The following CCDC174 variants were observed in gnomAD, a reference collection of about 807,000 sequenced individuals.
CCDC174 encodes the protein coiled-coil domain-containing protein 174.
Under a neutral mutation model 57.1 loss-of-function variants are expected in CCDC174, and 37 were observed. That is an observed-to-expected ratio of 0.65 (90% confidence interval 0.50 to 0.85). The LOEUF (loss-of-function observed/expected upper bound fraction) is 0.85, where lower values mean the gene tolerates loss of function less well. Ranked by LOEUF, CCDC174 falls within the 40% of genes least tolerant of loss-of-function variation. CCDC174 has a pLI of 0.00. For synonymous variants in CCDC174, 182 were observed against 190.2 expected, an observed-to-expected ratio of 0.96 and a Z score of 0.35; for missense variants, 540 against 574.3, an observed-to-expected ratio of 0.94 and a Z score of 0.61.
chr3:14,659,570 G>A (rs1051244512), intron 4 of CCDC174, among the ~76,000 whole-genome samples: 10 of 152,028 alleles, frequency 6.6e-5, no homozygotes, highest in Non-Finnish European at 1.2e-4. Flanking sequence ...CATGCCTATA[G>A]TCCCATTATT....
In CCDC174 at chr3:14,660,886, G is replaced by A. The variant is rs562234490; in HGVS notation, c.308-644G>A. On this transcript the variant is annotated intron_variant, in intron 4 of 10. Coordinates refer to ENST00000383794, the MANE Select transcript of CCDC174 (RefSeq NM_016474.5). ...AGCTATCCTGGGTTAAATTAGGTAA[G>A]TCATGGATTGTTGTTTAACTTTCAG... Among the ~76,000 whole-genome samples the A allele has an allele frequency of 1.2e-4, 18 of 152,358 alleles. 1 individual carries two copies. In the South Asian group the frequency reaches 3.7e-3, roughly 32 times the overall value.
intron 1 of CCDC174, 50 bp downstream of exon 1, chr3:14,651,928 C>T: frequency 6.3e-7 from 1 of 1,576,784 alleles, no homozygotes; most frequent in South Asian, 1.1e-5. Context: ...CACCGTGTCT[C>T]CATCAGACAA....
chr3:14,669,143 A>G (rs1353159147), intron 9 of CCDC174, among the ~76,000 whole-genome samples: 11 of 152,174 alleles, frequency 7.2e-5, no homozygotes, highest in Non-Finnish European at 1.6e-4. Flanking sequence ...AGGTGGCCAC[A>G]TGCTCAGCTG....
chr3:14,661,623 C>G lies in CCDC174; in HGVS notation c.401C>G (p.Ser134Cys), dbSNP rs775834523. The G allele has an allele frequency of 4.3e-6, 7 of 1,614,084 alleles. No individual in the cohort carries two copies. Among genetic ancestry groups the G allele is most frequent in the Admixed American group, 3.3e-5 (2 of 60,008 alleles). Residue 134 changes from serine to cysteine, a missense_variant, in exon 5 of 11, where the codon TCT becomes TGT. By Grantham distance (112) the Ser-to-Cys change is moderately radical. Transcript: ENST00000383794. ...GAGGCATCTGGTGCCCATAGAGATTCTCAAAAGGCAGGAGAAAGGGACGAC... is the reference window on the plus strand; with the variant it reads ...GAGGCATCTGGTGCCCATAGAGATTGTCAAAAGGCAGGAGAAAGGGACGAC... ...EMEASGAHRDSQKAGERDDDE... is the reference protein window; with the variant it reads ...EMEASGAHRDCQKAGERDDDE...
rs768010625 is a variant in CCDC174, at chr3:14,661,531, TGAA to T, written c.314_316del (p.Glu105del). On this transcript the variant is annotated inframe_deletion and splice_region_variant, in exon 5 of 11. Coordinates refer to ENST00000383794, the MANE Select transcript of CCDC174 (RefSeq NM_016474.5). Reference sequence around the variant, plus strand: ...TGAAAACTGATTTTTATGTCCTAGATGAAGAAGTAGAGGATATGTACCTTGTGG... The same window carrying T: ...TGAAAACTGATTTTTATGTCCTAGATGAAGTAGAGGATATGTACCTTGTGG... 2 of 1,593,488 alleles carry T rather than the reference TGAA, an allele frequency of 1.3e-6. No homozygotes were observed. The highest frequency in any genetic ancestry group is 2.2e-5 in the East Asian group (1 of 44,664).
chr3:14,654,302 G>GT (rs2124829383), intron 1 of CCDC174, 124 bp from the exon 2 acceptor site: 2 of 647,838 alleles, frequency 3.1e-6, no homozygotes, highest in East Asian at 2.9e-5. Flanking sequence ...TAAACATTTA[G>GT]TTTTTTAGCC....
At chr3:14,666,038 AAAAAAAAAAAAAAAAAAAAAAAG>A (rs2031324767) in intron 6 of CCDC174, among the ~76,000 whole-genome samples, 1 of 5,604 alleles carries the variant, frequency 1.8e-4, no homozygotes, top group Non-Finnish European at 4.2e-4. Flanking sequence ...ACTCCGTCTC[AAAAAAAAAAAAAAAAAAAAAAAG>A]AAAGAAAGGG....
chr3:14,654,375 A>G (rs2030878231), intron 1 of CCDC174, 51 bp from the exon 2 acceptor site: 1 of 902,652 alleles, frequency 1.1e-6, no homozygotes, highest in African/African-American at 1.7e-5. Context: ...TTAGCAATCC[A>G]GTCACCTGCA....
At chr3:14,667,356 A>G in intron 7 of CCDC174, 68 bp from the exon 8 acceptor site, 1 of 1,175,898 alleles carries the variant, frequency 8.5e-7, no homozygotes. Context: ...TTTGGTAGGA[A>G]ATGTGGCTTG....
intron 1 of CCDC174, among the ~76,000 whole-genome samples, chr3:14,652,115 C>G (rs886820020): frequency 6.6e-6 from 1 of 152,198 alleles, no homozygotes; most frequent in Non-Finnish European, 1.5e-5. Flanking sequence ...CCCTCGGACA[C>G]GGATCTGAAC....
intron 9 of CCDC174, 138 bp downstream of exon 9, chr3:14,668,319 A>G (rs938751719): frequency 4.0e-5 from 31 of 782,274 alleles, no homozygotes; most frequent in Non-Finnish European, 5.9e-5. Flanking sequence ...AGGTACTGGC[A>G]GGAGCAATTT....
intron 3 of CCDC174, among the ~76,000 whole-genome samples, chr3:14,657,919 T>C (rs1447475475): frequency 6.6e-6 from 1 of 152,222 alleles, no homozygotes; most frequent in African/African-American, 2.4e-5. Context: ...CTTTGTGTTC[T>C]GTTTGACTTT....
At position 14,666,668 on chromosome 3, in the gene CCDC174, T is replaced by C. The variant is rs115119401; in HGVS notation, c.582-137T>C. On this transcript the variant is annotated intron_variant, in intron 6 of 10. Transcript: ENST00000383794. ...CTGTTTTATTGATTTTCCAGCAGTC[T>C]TGTGGGTCAGAAGCCTCTGTAGTTC... 216 of 639,000 alleles carry C rather than the reference T, an allele frequency of 3.4e-4. No individual in the cohort carries two copies. In the African/African-American group the frequency reaches 3.7e-3, roughly 11 times the overall value. The allele number at this position is 639,000 out of a possible 1,614,324, so 39.6% of individuals were successfully genotyped here.
Position 14,658,900 on chromosome 3 carries a change from A to G in CCDC174, c.278A>G (p.Tyr93Cys), listed in dbSNP as rs1390389497. The G allele has an allele frequency of 4.6e-6, 7 of 1,530,924 alleles. No homozygotes were observed. Among genetic ancestry groups the G allele is most frequent in the Non-Finnish European group, 3.6e-6 (4 of 1,118,764 alleles). The allele number at this position is 1,530,924 out of a possible 1,614,324, so 94.8% of individuals were successfully genotyped here. A position where few individuals can be genotyped will look rare whatever the true frequency, so the allele number is the denominator to read the frequency against. Residue 93 changes from tyrosine (Y) to cysteine (C), a missense_variant, in exon 4 of 11, where the codon TAT becomes TGT. Physicochemically the swap from Tyr to Cys is radical, Grantham distance 194 (BLOSUM62 -2). Coordinates refer to ENST00000383794, the MANE Select transcript of CCDC174 (RefSeq NM_016474.5). ...AAATTGGAAGAAAAAGCCAAATTAT[A>G]TGAAAAAATGACTAAAGGAGACTTT... The part of the protein sequence containing the change: ...REKLEEKAKL[Y>C]EKMTKGDFID...
chr3:14,655,951 T>TC (rs35319227), intron 3 of CCDC174, among the ~76,000 whole-genome samples: 2 of 151,882 alleles, frequency 1.3e-5, no homozygotes, highest in Middle Eastern at 3.4e-3. Flanking sequence ...ACCCTAAACT[T>TC]CCCCCCCACC....
rs2031503922 is a variant in CCDC174 at position 14,671,331 on chromosome 3, CAGCA to C, written c.*140_*143del. The C allele has an allele frequency of 1.1e-6, 1 of 889,562 alleles. No individual in the cohort carries two copies. The highest frequency in any genetic ancestry group is 1.7e-5 in the African/African-American group (1 of 59,584). 55.1% of individuals were successfully genotyped at this position (889,562 alleles called of 1,614,324 possible). ...GGCACAGACTTCGGGTTGGATTTGT[CAGCA>C]AGGAGGAAAGTTATGGAAACTTTGG... On this transcript the variant is annotated 3_prime_UTR_variant, in exon 11 of 11. Transcript: ENST00000383794.
In CCDC174 at chr3:14,658,861, T is replaced by A. The variant is rs773409432; in HGVS notation, c.249-10T>A. 30 of 1,545,142 alleles carry A rather than the reference T, an allele frequency of 1.9e-5. No homozygotes were observed. The highest frequency in any genetic ancestry group is 1.2e-4 in the Admixed American group (7 of 56,502). On this transcript the variant is annotated splice_polypyrimidine_tract_variant and intron_variant, in intron 3 of 10. Coordinates refer to ENST00000383794, the MANE Select transcript of CCDC174 (RefSeq NM_016474.5). Reference sequence around the variant, plus strand: ...GACCATTTCTAATACTTGTATTTTTTTTCTCCTAGGGAAAAATTGGAAGAA... The same window carrying A: ...GACCATTTCTAATACTTGTATTTTTATTCTCCTAGGGAAAAATTGGAAGAA...
chr3:14,663,450 T>C (rs1442243598), intron 5 of CCDC174, among the ~76,000 whole-genome samples: 4 of 152,254 alleles, frequency 2.6e-5, no homozygotes. Flanking sequence ...AGCAAACTTT[T>C]GGTAGTCTTT....
chr3:14,667,387 A>G (rs1326476741), intron 7 of CCDC174, 37 bp from the exon 8 acceptor site: 3 of 1,461,646 alleles, frequency 2.1e-6, no homozygotes, highest in Non-Finnish European at 2.9e-6. Flanking sequence ...AATGATCAGG[A>G]CAGTCTGATC....
Sources: gnomAD v4.1 joint callset for allele counts (sites outside exome capture counted in the v4.1 genomes callset) on GRCh38, gnomAD v4.1.1 for gene constraint, MANE v1.5 for transcripts, NCBI Gene and HGNC (gene_info 2026-07-23, HGNC 2026-07-21) for gene names.